The following CLVS2 variants were observed in gnomAD, a reference collection of about 807,000 sequenced individuals.
The protein encoded by CLVS2 is clavesin 2, also known as clavesin-2.
Under a neutral mutation model 29.0 loss-of-function variants are expected in CLVS2, and 19 were observed. The observed-to-expected ratio is 0.66, with a 90% CI of 0.46 to 0.96. CLVS2 has a LOEUF of 0.96. Ranked by LOEUF, CLVS2 falls within the 40% of genes least tolerant of loss-of-function variation. The pLI is 0.00. For missense variants in CLVS2, 294 were observed against 404.1 expected (o/e 0.73, Z 2.34); for synonymous variants, 161 against 151.3 (o/e 1.06, Z -0.47).
intron 3 of CLVS2, among the ~76,000 whole-genome samples, chr6:123,032,561 A>G (rs1343579049): frequency 6.6e-6 from 1 of 152,118 alleles, no homozygotes; most frequent in Non-Finnish European, 1.5e-5. Flanking sequence ...TTACTTTATC[A>G]TCAATAAAAT....
intron 5 of CLVS2, among the ~76,000 whole-genome samples, chr6:123,057,098 G>A (rs534399388): frequency 1.3e-5 from 2 of 152,190 alleles, no homozygotes; most frequent in African/African-American, 4.8e-5. Context: ...GGCAACCACA[G>A]CTCAGGGTCC....
chr6:122,998,839 C>T (rs1462946156), intron 2 of CLVS2, among the ~76,000 whole-genome samples: 1 of 152,104 alleles, frequency 6.6e-6, no homozygotes, highest in Non-Finnish European at 1.5e-5. Context: ...GAATCTGTCT[C>T]CTGTCTCATG....
chr6:123,062,391 C>T (rs1034384609), intron 5 of CLVS2, among the ~76,000 whole-genome samples: 1 of 152,002 alleles, frequency 6.6e-6, no homozygotes, highest in South Asian at 2.1e-4. Flanking sequence ...TCCTTTTCCT[C>T]ATCCTATTCT....
At chr6:123,037,564 C>G (rs1015395315) in intron 3 of CLVS2, among the ~76,000 whole-genome samples, 1 of 151,988 alleles carries the variant, frequency 6.6e-6, no homozygotes, top group Non-Finnish European at 1.5e-5. Flanking sequence ...CCAAAGACAC[C>G]TATGACCCTT....
In CLVS2 at chr6:123,071,123, A is replaced by C. The variant is rs937598728; in HGVS notation, c.*7362A>C. On this transcript the variant is annotated 3_prime_UTR_variant, in exon 6 of 6. Coordinates refer to ENST00000275162, the MANE Select transcript of CLVS2 (RefSeq NM_001010852.4). ...GCAATGTGAACTCCACAAGGGCAGGAATTTTTGTCTGTTTACTACTGCATT... is the reference window on the plus strand; with the variant it reads ...GCAATGTGAACTCCACAAGGGCAGGCATTTTTGTCTGTTTACTACTGCATT... 1.3e-5 allele frequency: 2 copies of C among 151,950 alleles called. No homozygotes were observed. The highest frequency in any genetic ancestry group is 4.8e-5 in the African/African-American group (2 of 41,394). 9.4% of individuals were successfully genotyped at this position (151,950 alleles called of 1,614,324 possible). A position where few individuals can be genotyped will look rare whatever the true frequency, so the allele number is the denominator to read the frequency against.
intron 3 of CLVS2, among the ~76,000 whole-genome samples, chr6:123,046,545 G>C (rs1211321564): frequency 1.3e-5 from 2 of 151,886 alleles, no homozygotes; most frequent in African/African-American, 2.4e-5. Context: ...TGTAGTCCCA[G>C]CTACTCAGGA....
intron 3 of CLVS2, among the ~76,000 whole-genome samples, chr6:123,024,048 T>C (rs1774963074): frequency 6.6e-6 from 1 of 152,106 alleles, no homozygotes; most frequent in Non-Finnish European, 1.5e-5. Flanking sequence ...CAGGCTGAAA[T>C]ATGTTTTTTA....
chr6:123,000,312 T>TA (rs1300289642), intron 2 of CLVS2, among the ~76,000 whole-genome samples: 2 of 152,130 alleles, frequency 1.3e-5, no homozygotes, highest in Non-Finnish European at 2.9e-5. Flanking sequence ...CTTCCTATAT[T>TA]AAAAAAATAA....
intron 1 of CLVS2, among the ~76,000 whole-genome samples, chr6:122,997,007 C>A (rs1440570522): frequency 6.6e-6 from 1 of 151,978 alleles, no homozygotes; most frequent in Non-Finnish European, 1.5e-5. Context: ...GCCACCAGAA[C>A]CCCTGCTGGT....
chr6:123,053,097 A>G lies in CLVS2; in HGVS notation c.676-2709A>G, dbSNP rs7741180. 4.0e-3 allele frequency among the ~76,000 whole-genome samples: 606 copies of G among 152,244 alleles called. 19 individuals are homozygous for G. The highest frequency in any genetic ancestry group is 0.014 in the African/African-American group (575 of 41,502). On this transcript the variant is annotated intron_variant, in intron 4 of 5. Transcript: ENST00000275162. Reference sequence around the variant, plus strand: ...CGCAGTGGCTCGCGCCTGTAATCCCAGCACTTTGGGAGGCCAAGGCGAGTG... The same window carrying G: ...CGCAGTGGCTCGCGCCTGTAATCCCGGCACTTTGGGAGGCCAAGGCGAGTG...
intron 4 of CLVS2, among the ~76,000 whole-genome samples, chr6:123,054,823 G>GTTT (rs370474216): frequency 6.9e-6 from 1 of 145,600 alleles, no homozygotes. Flanking sequence ...TATGCCTCAA[G>GTTT]TTTTTTTTTT....
chr6:123,051,151 G>T (rs756942173), intron 4 of CLVS2, among the ~76,000 whole-genome samples: 3 of 152,116 alleles, frequency 2.0e-5, no homozygotes, highest in Non-Finnish European at 2.9e-5. Flanking sequence ...TGCTTCGGAT[G>T]CTATAAGTCT....
chr6:123,025,819 T>C (rs2114327217), intron 3 of CLVS2, among the ~76,000 whole-genome samples: 1 of 152,292 alleles, frequency 6.6e-6, no homozygotes, highest in South Asian at 2.1e-4. Context: ...CTGTTGTAAC[T>C]GCATCATAGT....
At chr6:123,015,169 T>A (rs979370675) in intron 3 of CLVS2, among the ~76,000 whole-genome samples, 1 of 151,656 alleles carries the variant, frequency 6.6e-6, no homozygotes, top group African/African-American at 2.4e-5. Flanking sequence ...GAATGGGAAA[T>A]GAATTGAGGA....
intron 3 of CLVS2, among the ~76,000 whole-genome samples, chr6:123,017,415 T>G (rs1244015914): frequency 6.6e-6 from 1 of 152,032 alleles, no homozygotes; most frequent in African/African-American, 2.4e-5. Context: ...TCAGGCAGCC[T>G]GGAGATGGGA....
At chr6:123,054,900 G>T (rs1582664427) in intron 4 of CLVS2, among the ~76,000 whole-genome samples, 1 of 151,824 alleles carries the variant, frequency 6.6e-6, no homozygotes, top group Admixed American at 6.6e-5. Context: ...TCAATAAACA[G>T]AGTCATCTAT....
At chr6:123,058,450 A>T (rs1430882329) in intron 5 of CLVS2, among the ~76,000 whole-genome samples, 1 of 152,090 alleles carries the variant, frequency 6.6e-6, no homozygotes, top group African/African-American at 2.4e-5. Flanking sequence ...GTGGCCCATC[A>T]CGTGAGCACA....
At chr6:123,036,163 GA>G (rs1775151098) in intron 3 of CLVS2, among the ~76,000 whole-genome samples, 1 of 152,156 alleles carries the variant, frequency 6.6e-6, no homozygotes, top group African/African-American at 2.4e-5. Flanking sequence ...CCACTCCCAT[GA>G]ACTGCATGAT....
At position 122,997,638 on chromosome 6, in the gene CLVS2, A is replaced by G. The variant is rs1048879299; in HGVS notation, c.-140A>G. On this transcript the variant is annotated 5_prime_UTR_variant, in exon 2 of 6. Transcript: ENST00000275162. ...GCAACAGGGCACTTGATTGGACACCAAGATTATTAATTTCCTGTAGGGGAG... is the reference window on the plus strand; with the variant it reads ...GCAACAGGGCACTTGATTGGACACCGAGATTATTAATTTCCTGTAGGGGAG... 1.3e-6 allele frequency: 1 copy of G among 764,962 alleles called. No homozygotes were observed. Among genetic ancestry groups the G allele is most frequent in the African/African-American group, 1.8e-5 (1 of 56,436 alleles). 47.4% of individuals were successfully genotyped at this position (764,962 alleles called of 1,614,324 possible). A position where few individuals can be genotyped will look rare whatever the true frequency, so the allele number is the denominator to read the frequency against.
Sources: allele counts gnomAD v4.1 joint callset (sites outside exome capture counted in the v4.1 genomes callset), GRCh38; gene constraint gnomAD v4.1.1; transcripts MANE v1.5; gene names NCBI Gene and HGNC (gene_info 2026-07-23, HGNC 2026-07-21).